P2RY10: variants seen among roughly 807,000 people sequenced by gnomAD.
P2RY10 encodes the protein putative P2Y purinoceptor 10.
In P2RY10, 4 loss-of-function variants were observed where a neutral mutation model predicts 12.1. The ratio of observed to expected loss-of-function variants is 0.33; its 90% confidence interval spans 0.16 to 0.76. The LOEUF (loss-of-function observed/expected upper bound fraction) is 0.76. Among genes scored for constraint, P2RY10 ranks in the 30% least tolerant of loss-of-function variants. P2RY10 has a pLI of 0.61. For synonymous variants in P2RY10, 112 were observed against 94.1 expected (o/e 1.19, Z -1.10); for missense variants, 233 against 264.6 (o/e 0.88, Z 0.83).
At chrX:78,955,231 T>C (rs955800654) in intron 3 of P2RY10, among the ~76,000 whole-genome samples, 3 of 111,626 alleles carry the variant, frequency 2.7e-5, no homozygotes, top group Non-Finnish European at 3.8e-5. Flanking sequence ...TATTCACTGA[T>C]TGTGATGTTA....
chrX:78,957,729 C>A (rs968079925), intron 3 of P2RY10, among the ~76,000 whole-genome samples: 3 of 111,538 alleles, frequency 2.7e-5, no homozygotes, highest in African/African-American at 9.8e-5. Flanking sequence ...ACAAGCCATG[C>A]AAATCTCTAC....
intron 2 of P2RY10, among the ~76,000 whole-genome samples, chrX:78,948,499 G>GT (rs1160427968): frequency 1.8e-5 from 2 of 111,180 alleles, no homozygotes; most frequent in Non-Finnish European, 3.8e-5. Flanking sequence ...AACTACAAGT[G>GT]TTTTTTTCTG....
chrX:78,963,521 G>A lies in P2RY10; in HGVS notation c.*1981G>A, dbSNP rs1378237143. 2.7e-5 allele frequency among the ~76,000 whole-genome samples: 3 copies of A among 112,244 alleles called. No individual in the cohort carries two copies. Among genetic ancestry groups the A allele is most frequent in the Non-Finnish European group, 5.6e-5 (3 of 53,234 alleles). On this transcript the variant is annotated 3_prime_UTR_variant, in exon 4 of 4. Transcript: ENST00000171757. Reference sequence around the variant, plus strand: ...AGAAATGGAACTGCAATCCTCAAGAGTCACACTTCATATTCCTTCCTTTCA... The same window carrying A: ...AGAAATGGAACTGCAATCCTCAAGAATCACACTTCATATTCCTTCCTTTCA...
chrX:78,951,567 G>A (rs938874300), intron 2 of P2RY10, among the ~76,000 whole-genome samples: 2 of 110,956 alleles, frequency 1.8e-5, no homozygotes, highest in African/African-American at 6.6e-5. Context: ...TGAGAGTAGG[G>A]TTGCCCGATG....
At chrX:78,947,543 G>T (rs1490806432) in intron 1 of P2RY10, among the ~76,000 whole-genome samples, 1 of 111,897 alleles carries the variant, frequency 8.9e-6, no homozygotes, top group Non-Finnish European at 1.9e-5. Context: ...GACTGGTGTG[G>T]CCTTCGGTGA....
At chrX:78,958,657 T>G (rs1400701028) in intron 3 of P2RY10, among the ~76,000 whole-genome samples, 1 of 112,179 alleles carries the variant, frequency 8.9e-6, no homozygotes, top group East Asian at 2.8e-4. Flanking sequence ...AAAACTTCCA[T>G]TACAGATTTT....
Position 78,961,170 on chromosome X carries a change from G to A in P2RY10, c.650G>A (p.Cys217Tyr). The change falls in exon 4 of 4, where the codon TGT (cysteine) becomes TAT (tyrosine). Residue 217 changes from cysteine to tyrosine, a missense_variant. Transcript: ENST00000171757. ...ATCCCAGTGATCATCATCGCATGGTGTACCTGGAAAACTACTATATCCTTG... is the reference window on the plus strand; with the variant it reads ...ATCCCAGTGATCATCATCGCATGGTATACCTGGAAAACTACTATATCCTTG... ...FVIPVIIIAW[C>Y]TWKTTISLRQ... The A allele has an allele frequency of 8.3e-7, 1 of 1,210,939 alleles. No homozygotes were observed. Among genetic ancestry groups the A allele is most frequent in the Non-Finnish European group, 1.1e-6 (1 of 894,760 alleles).
rs1921832655 is a variant in P2RY10 at position 78,946,357 on chromosome X, T to C, written c.-206+862T>C. ...CACTCATTTTTTCAGTTATTATTGC[T>C]ATTACTCTGAATACTAGCACCTCTC... On this transcript the variant is annotated intron_variant, in intron 1 of 3. Coordinates refer to ENST00000171757, the MANE Select transcript of P2RY10 (RefSeq NM_014499.4). Among the ~76,000 whole-genome samples, 3 of 111,565 alleles carry C rather than the reference T, an allele frequency of 2.7e-5. No individual in the cohort carries two copies. The South Asian group carries it at 1.1e-3, about 43-fold the overall frequency.
Position 78,945,674 on chromosome X carries a change from T to C in P2RY10, c.-206+179T>C, listed in dbSNP as rs1029197578. 1.8e-4 allele frequency among the ~76,000 whole-genome samples: 20 copies of C among 111,464 alleles called. No individual in the cohort carries two copies. The Admixed American group carries it at 1.8e-3, about 10-fold the overall frequency. On this transcript the variant is annotated intron_variant, in intron 1 of 3. Transcript: ENST00000171757. ...TAATTACTGTTGAGTTTGACCAGAG[T>C]CCAAAGTTAACGTTAATGCCATCAG...
At chrX:78,957,494 G>A (rs1446964639) in intron 3 of P2RY10, among the ~76,000 whole-genome samples, 1 of 108,205 alleles carries the variant, frequency 9.2e-6, no homozygotes, top group African/African-American at 3.4e-5. Context: ...CTTGTTAGTG[G>A]CTTCTTAGCT....
At position 78,963,341 on chromosome X, in the gene P2RY10, T is replaced by C. The variant is rs747071465; in HGVS notation, c.*1801T>C. On this transcript the variant is annotated 3_prime_UTR_variant, in exon 4 of 4. Transcript: ENST00000171757. ...TTAAACTGGTTTTCCTTGTACTTTA[T>C]TAATCTGAATCTAATGGCACTTCCT... Among the ~76,000 whole-genome samples, 1 of 112,759 alleles carries C rather than the reference T, an allele frequency of 8.9e-6. No individual in the cohort carries two copies. Among genetic ancestry groups the C allele is most frequent in the South Asian group, 3.7e-4 (1 of 2,732 alleles).
rs1231776666 is a variant in P2RY10 at position 78,952,302 on chromosome X, G to A, written c.-47G>A. ...ATGGTCCTGACCTTTGGAATAGGAA[G>A]CATGTACCCTGGACAGAGCACTTCA... On this transcript the variant is annotated 5_prime_UTR_variant, in exon 3 of 4. Transcript: ENST00000171757. 1 of 750,327 alleles carries A rather than the reference G, an allele frequency of 1.3e-6. No individual in the cohort carries two copies. The highest frequency in any genetic ancestry group is 1.6e-6 in the Non-Finnish European group (1 of 637,243). The allele number at this position is 750,327 out of a possible 1,213,427, so 61.8% of individuals were successfully genotyped here.
At chrX:78,955,832 T>G (rs1922310241) in intron 3 of P2RY10, among the ~76,000 whole-genome samples, 1 of 112,232 alleles carries the variant, frequency 8.9e-6, no homozygotes, top group Non-Finnish European at 1.9e-5. Flanking sequence ...TTGTGGATGA[T>G]TCTATATTCT....
chrX:78,948,500 T>C (rs1164704943), intron 2 of P2RY10, among the ~76,000 whole-genome samples: 1 of 111,744 alleles, frequency 8.9e-6, no homozygotes, highest in East Asian at 2.8e-4. Flanking sequence ...ACTACAAGTG[T>C]TTTTTTCTGT....
At position 78,960,600 on chromosome X, in the gene P2RY10, T is replaced by C. The variant is rs946344104; in HGVS notation, c.80T>C (p.Val27Ala). ...AGCACTGCTGAGATTTACTGTAATG[T>C]CACTAATGTGAAATTTCAATACTCC... is the stretch of plus-strand genomic sequence containing the variant. ...STSTAEIYCN[V>A]TNVKFQYSLY... is the part of the protein sequence containing the mutation. The change falls in exon 4 of 4, where the codon GTC becomes GCC. Residue 27 changes from valine (V) to alanine (A), a missense_variant. Val to Ala is a moderately conservative substitution (Grantham distance 64). Transcript: ENST00000171757. The C allele has an allele frequency of 8.3e-7, 1 of 1,208,077 alleles. No homozygotes were observed. The highest frequency in any genetic ancestry group is 1.1e-6 in the Non-Finnish European group (1 of 892,016).
chrX:78,950,393 T>C (rs1171536973), intron 2 of P2RY10, among the ~76,000 whole-genome samples: 1 of 111,481 alleles, frequency 9.0e-6, no homozygotes, highest in African/African-American at 3.3e-5. Flanking sequence ...GGAAAGAGCG[T>C]ATCAGAGCAG....
Position 78,961,309 on chromosome X carries a change from T to C in P2RY10, c.789T>C (p.Phe263=). 8.3e-7 allele frequency: 1 copy of C among 1,210,105 alleles called. No homozygotes were observed. Among genetic ancestry groups the C allele is most frequent in the Non-Finnish European group, 1.1e-6 (1 of 894,084 alleles). ...FICFTPYHIN[F]IFYTMVKETI... ...GCTTCACTCCCTATCATATTAACTT[T>C]ATTTTTTACACCATGGTAAAGGAAA... Residue 263 remains phenylalanine (F), a synonymous_variant, in exon 4 of 4, where the codon TTT becomes TTC. Transcript: ENST00000171757.
At chrX:78,956,002 T>C (rs1170909034) in intron 3 of P2RY10, among the ~76,000 whole-genome samples, 3 of 112,030 alleles carry the variant, frequency 2.7e-5, no homozygotes, top group Middle Eastern at 4.2e-3. Flanking sequence ...CTTTAGTGAT[T>C]ACAGACGCAG....
chrX:78,946,682 T>C (rs1325566118), intron 1 of P2RY10, among the ~76,000 whole-genome samples: 3 of 112,515 alleles, frequency 2.7e-5, no homozygotes, highest in African/African-American at 9.7e-5. Context: ...TATGCAGATA[T>C]ACTGAGGTGG....
Sources: gnomAD v4.1 joint callset for allele counts (sites outside exome capture counted in the v4.1 genomes callset) on GRCh38, gnomAD v4.1.1 for gene constraint, MANE v1.5 for transcripts, NCBI Gene and HGNC (gene_info 2026-07-23, HGNC 2026-07-21) for gene names.